The following ASPH variants were observed in gnomAD, a reference collection of about 807,000 sequenced individuals.
ASPH encodes the protein aspartate beta-hydroxylase.
ASPH carries 100 observed loss-of-function variants against 118.4 expected under a neutral mutation model. That is an observed-to-expected ratio of 0.84 (90% CI 0.72 to 1.00). ASPH has a LOEUF of 1.00. Ranked by LOEUF, ASPH falls within the 50% of genes least tolerant of loss-of-function variation. The probability of loss-of-function intolerance (pLI) is 0.00; values close to 1 mark genes in which losing one functional copy is unlikely to be tolerated. For missense variants in ASPH, 920 were observed against 919.5 expected (o/e 1.00, Z -0.01); for synonymous variants, 315 against 325.6 (o/e 0.97, Z 0.35).
chr8:61,636,382 A>C (rs1326797717), intron 12 of ASPH, among the ~76,000 whole-genome samples: 3 of 152,218 alleles, frequency 2.0e-5, no homozygotes, highest in Admixed American at 6.5e-5. Context: ...AGACAGAGGG[A>C]GAGAGGACTC....
intron 24 of ASPH, among the ~76,000 whole-genome samples, chr8:61,505,968 T>C (rs1806388973): frequency 6.6e-6 from 1 of 152,136 alleles, no homozygotes; most frequent in Non-Finnish European, 1.5e-5. Flanking sequence ...AACGAGCCTA[T>C]AATTTATGTA....
intron 15 of ASPH, chr8:61,583,632 T>G (rs2132515844): frequency 4.5e-6 from 1 of 223,576 alleles, no homozygotes; most frequent in Non-Finnish European, 8.6e-6. Context: ...ATCATTATCA[T>G]GTCTGTAAGA....
At chr8:61,529,266 T>C (rs1816664407) in intron 21 of ASPH, among the ~76,000 whole-genome samples, 2 of 152,110 alleles carry the variant, frequency 1.3e-5, no homozygotes, top group African/African-American at 2.4e-5. Context: ...AAAGAGCAAT[T>C]GCGAGGTACC....
intron 16 of ASPH, among the ~76,000 whole-genome samples, chr8:61,568,521 T>A (rs1275898617): frequency 2.0e-5 from 3 of 152,150 alleles, no homozygotes; most frequent in African/African-American, 7.2e-5. Flanking sequence ...TTTGGACATA[T>A]TAAACCTAAA....
At chr8:61,623,043 T>C (rs1332569309) in intron 13 of ASPH, among the ~76,000 whole-genome samples, 2 of 152,204 alleles carry the variant, frequency 1.3e-5, no homozygotes, top group African/African-American at 4.8e-5. Flanking sequence ...TATCCATTTC[T>C]GCCCTTCCAT....
chr8:61,705,573 C>A (rs1836388178), intron 1 of ASPH, among the ~76,000 whole-genome samples: 1 of 152,144 alleles, frequency 6.6e-6, no homozygotes, highest in Non-Finnish European at 1.5e-5. Context: ...AAACACTAAT[C>A]TATGATCAAA....
At chr8:61,630,770 T>C (rs1855193775) in intron 13 of ASPH, among the ~76,000 whole-genome samples, 1 of 152,230 alleles carries the variant, frequency 6.6e-6, no homozygotes, top group Non-Finnish European at 1.5e-5. Context: ...GGTTTTACTC[T>C]CCTATACTTT....
intron 21 of ASPH, among the ~76,000 whole-genome samples, chr8:61,543,479 C>G (rs1822687250): frequency 6.6e-6 from 1 of 151,936 alleles, no homozygotes; most frequent in African/African-American, 2.4e-5. Context: ...TAATTTCTGT[C>G]TCTTCATTGG....
chr8:61,629,752 T>A (rs528314484), intron 13 of ASPH, among the ~76,000 whole-genome samples: 1 of 152,236 alleles, frequency 6.6e-6, no homozygotes, highest in Non-Finnish European at 1.5e-5. Flanking sequence ...GAAGAATATA[T>A]AACACATCTG....
At chr8:61,706,300 GTAGTCCCAGC>G (rs1311109321) in intron 1 of ASPH, among the ~76,000 whole-genome samples, 16 of 150,388 alleles carry the variant, frequency 1.1e-4, no homozygotes, top group Non-Finnish European at 2.1e-4. Flanking sequence ...GTGCATGCCT[GTAGTCCCAGC>G]TACCAGGGAG....
chr8:61,643,002 C>T, intron 9 of ASPH, 82 bp from the exon 10 acceptor site: 1 of 1,246,600 alleles, frequency 8.0e-7, no homozygotes, highest in Non-Finnish European at 1.1e-6. Flanking sequence ...CAAAATACTA[C>T]TTAATCGTAA....
At chr8:61,672,010 T>C (rs996430953) in intron 3 of ASPH, among the ~76,000 whole-genome samples, 1 of 152,208 alleles carries the variant, frequency 6.6e-6, no homozygotes, top group African/African-American at 2.4e-5. Flanking sequence ...TAGTGAGACC[T>C]GTGAGTCACT....
intron 13 of ASPH, among the ~76,000 whole-genome samples, chr8:61,626,730 AAAT>A (rs1486705837): frequency 2.5e-3 from 117 of 46,190 alleles, no homozygotes; most frequent in Non-Finnish European, 4.1e-3. Flanking sequence ...AAATTTTAAA[AAAT>A]TAAAAATTAA....
chr8:61,564,632 C>G (rs946488271), intron 17 of ASPH, among the ~76,000 whole-genome samples: 3 of 152,128 alleles, frequency 2.0e-5, no homozygotes. Context: ...GGCGAGTGCC[C>G]GCATTGCCTC....
Position 61,664,880 on chromosome 8 carries a change from T to C in ASPH, c.323-11220A>G, listed in dbSNP as rs946280664. The C allele has an allele frequency of 2.1e-5, 21 of 1,001,652 alleles. No individual in the cohort carries two copies. In the Admixed American group the frequency reaches 4.2e-4, roughly 20 times the overall value. 62.0% of individuals were successfully genotyped at this position (1,001,652 alleles called of 1,614,324 possible). A position where few individuals can be genotyped will look rare whatever the true frequency, so the allele number is the denominator to read the frequency against. The stretch of plus-strand genomic sequence containing the variant: ...CCATCTCCCTGAGTATTTAGCATAC[T>C]TGAAAAAGTTACAAGGCATTATGCA... On this transcript the variant is annotated intron_variant, in intron 3 of 24. Transcript: ENST00000379454.
At position 61,526,331 on chromosome 8, in the gene ASPH, T is replaced by C. The variant is rs190514550; in HGVS notation, c.1765-219A>G. Among the ~76,000 whole-genome samples, 56 of 152,298 alleles carry C rather than the reference T, an allele frequency of 3.7e-4. 1 individual carries two copies. Among genetic ancestry groups the C allele is most frequent in the Middle Eastern group, 3.4e-3 (1 of 294 alleles). ...CCAAAAGTTTTTATAACATAACAATTTCAATAACTCCTAGAAACTTCACAG... is the reference window on the plus strand; with the variant it reads ...CCAAAAGTTTTTATAACATAACAATCTCAATAACTCCTAGAAACTTCACAG... On this transcript the variant is annotated intron_variant, in intron 21 of 24. Transcript: ENST00000379454.
chr8:61,537,964 TAG>T (rs1820275031), intron 21 of ASPH, among the ~76,000 whole-genome samples: 1 of 152,216 alleles, frequency 6.6e-6, no homozygotes, highest in Non-Finnish European at 1.5e-5. Context: ...ATTGGCATCA[TAG>T]GCCACCCTAT....
intron 12 of ASPH, 151 bp downstream of exon 12, chr8:61,637,796 A>G (rs1274916830): frequency 4.4e-6 from 3 of 677,982 alleles, no homozygotes; most frequent in South Asian, 2.0e-5. Context: ...GCCAGCCCCA[A>G]TGAAAAGAGG....
At chr8:61,612,551 T>C (rs1847777316) in intron 14 of ASPH, among the ~76,000 whole-genome samples, 1 of 152,038 alleles carries the variant, frequency 6.6e-6, no homozygotes, top group African/African-American at 2.4e-5. Context: ...TTTGTATTTT[T>C]AGTAGAGAAG....
Sources: gnomAD v4.1 joint callset for allele counts (sites outside exome capture counted in the v4.1 genomes callset) on GRCh38, gnomAD v4.1.1 for gene constraint, MANE v1.5 for transcripts, NCBI Gene and HGNC (gene_info 2026-07-23, HGNC 2026-07-21) for gene names.